The following ARHGAP21 variants were observed in gnomAD, a reference collection of about 807,000 sequenced individuals.
The protein encoded by ARHGAP21 is Rho GTPase activating protein 21.
A neutral mutation model predicts 164.6 loss-of-function variants in ARHGAP21; 38 were observed. The observed-to-expected ratio is 0.23, with a 90% CI of 0.18 to 0.30. The LOEUF (loss-of-function observed/expected upper bound fraction) is 0.30. ARHGAP21 is among the 10% of genes least tolerant of loss of function. The pLI, the probability that ARHGAP21 is intolerant of heterozygous loss-of-function variation, is 1.00. For missense variants in ARHGAP21, 1,822 were observed against 2,370.7 expected (o/e 0.77, Z 4.81); for synonymous variants, 766 against 857.9 (o/e 0.89, Z 1.87).
Position 24,604,240 on chromosome 10 carries a change from G to A in ARHGAP21, c.2721+72C>T, listed in dbSNP as rs2076932295. The stretch of plus-strand genomic sequence containing the variant: ...AGATTATAATATTTAAATATTAAAT[G>A]TCTACTGGGTAAAAGAAGTACTTCT... On this transcript the variant is annotated intron_variant, in intron 12 of 25. Coordinates refer to ENST00000396432, the MANE Select transcript of ARHGAP21 (RefSeq NM_020824.4). The A allele has an allele frequency of 7.0e-6, 7 of 993,972 alleles. No individual in the cohort carries two copies. The East Asian group carries it at 1.9e-4, about 27-fold the overall frequency. 61.6% of individuals were successfully genotyped at this position (993,972 alleles called of 1,614,324 possible). A position where few individuals can be genotyped will look rare whatever the true frequency, so the allele number is the denominator to read the frequency against.
chr10:24,690,031 A>C (rs570902571), intron 2 of ARHGAP21, among the ~76,000 whole-genome samples: 1 of 151,796 alleles, frequency 6.6e-6, no homozygotes, highest in South Asian at 2.1e-4. Flanking sequence ...TTTTTATTCA[A>C]TATTTTATGT....
At chr10:24,695,300 G>A (rs1843081452) in intron 2 of ARHGAP21, among the ~76,000 whole-genome samples, 1 of 152,006 alleles carries the variant, frequency 6.6e-6, no homozygotes, top group South Asian at 2.1e-4. Context: ...TGGGTGCAGT[G>A]GCTCACGCCT....
chr10:24,594,224 T>C lies in ARHGAP21; in HGVS notation c.3876+726A>G, dbSNP rs1303646931. Among the ~76,000 whole-genome samples the C allele has an allele frequency of 2.0e-5, 3 of 152,030 alleles. 1 individual carries two copies. The highest frequency in any genetic ancestry group is 3.8e-4 in the East Asian group (2 of 5,200). ...CATTTTAAAATCTCTGATGATATAA[T>C]GGATTTAGGCAATAATCATCAAAAA... On this transcript the variant is annotated intron_variant, in intron 21 of 25. Transcript: ENST00000396432.
chr10:24,599,669 A>G (rs1424410228), intron 14 of ARHGAP21, among the ~76,000 whole-genome samples: 3 of 152,210 alleles, frequency 2.0e-5, no homozygotes, highest in African/African-American at 4.8e-5. Context: ...TGTGTTAATG[A>G]TAAGAAAATA....
At position 24,666,987 on chromosome 10, in the gene ARHGAP21, CCT is replaced by C. The variant is rs779316829; in HGVS notation, c.264_265del (p.Gly89ArgfsTer16). Reference sequence around the variant, plus strand: ...AAATTAAAATGTTTATAGCATACCTCCTCTGTTTCCATTTTCTTCATCCTACA... The same window carrying C: ...AAATTAAAATGTTTATAGCATACCTCCTGTTTCCATTTTCTTCATCCTACA... On this transcript the variant is annotated frameshift_variant, in exon 4 of 26. Coordinates refer to ENST00000396432, the MANE Select transcript of ARHGAP21 (RefSeq NM_020824.4). LOFTEE classifies it high-confidence loss of function. 1.4e-6 allele frequency: 2 copies of C among 1,427,338 alleles called. No homozygotes were observed. The highest frequency in any genetic ancestry group is 1.2e-5 in the South Asian group (1 of 81,216). The allele number at this position is 1,427,338 out of a possible 1,614,324, so 88.4% of individuals were successfully genotyped here. A position where few individuals can be genotyped will look rare whatever the true frequency, so the allele number is the denominator to read the frequency against.
intron 7 of ARHGAP21, 61 bp downstream of exon 7, chr10:24,629,935 A>G: frequency 8.2e-7 from 1 of 1,217,962 alleles, no homozygotes; most frequent in Non-Finnish European, 1.2e-6. Context: ...TTCCATCTCA[A>G]AAATATTTTC....
rs138694213 is a variant in ARHGAP21, at chr10:24,599,102, A to C, written c.3133-1093T>G. Among the ~76,000 whole-genome samples, 6 of 152,364 alleles carry C rather than the reference A, an allele frequency of 3.9e-5. No homozygotes were observed. In the East Asian group the frequency reaches 1.2e-3, roughly 29 times the overall value. ...TGTCTTAAGATTAGATGGTGATGCT[A>C]ATAGCTCACATTAAGTAAATGTTTA... On this transcript the variant is annotated intron_variant, in intron 14 of 25. Coordinates refer to ENST00000396432, the MANE Select transcript of ARHGAP21 (RefSeq NM_020824.4).
At chr10:24,632,969 G>A (rs949661606) in intron 6 of ARHGAP21, among the ~76,000 whole-genome samples, 9 of 152,164 alleles carry the variant, frequency 5.9e-5, no homozygotes, top group South Asian at 2.1e-4. Context: ...GATTAAAAGG[G>A]AATGTCTTGT....
intron 2 of ARHGAP21, among the ~76,000 whole-genome samples, chr10:24,702,759 T>G (rs1461340095): frequency 6.6e-6 from 1 of 152,080 alleles, no homozygotes; most frequent in Non-Finnish European, 1.5e-5. Context: ...GCTAATTGTT[T>G]TGTAAAGATG....
chr10:24,585,052 A>G lies in ARHGAP21; in HGVS notation c.5237T>C (p.Leu1746Ser). ...GGATTCGCCTCTGGTGGGTGTCAGTAAACTCCCAGTTGACTTTCCTTTTTT... is the reference window on the plus strand; with the variant it reads ...GGATTCGCCTCTGGTGGGTGTCAGTGAACTCCCAGTTGACTTTCCTTTTTT... ...VMKKGKSTGS[L>S]LTPTRGESEK... is the part of the protein sequence containing the mutation. Residue 1746 changes from leucine (L) to serine (S), a missense_variant, in exon 26 of 26, where the codon TTA (leucine) becomes TCA (serine). Transcript: ENST00000396432. 6.2e-7 allele frequency: 1 copy of G among 1,613,902 alleles called. No homozygotes were observed.
At chr10:24,692,740 G>C (rs1842851992) in intron 2 of ARHGAP21, among the ~76,000 whole-genome samples, 1 of 152,054 alleles carries the variant, frequency 6.6e-6, no homozygotes, top group South Asian at 2.1e-4. Context: ...GCTGAGGCAG[G>C]AGAATCACTT....
At chr10:24,602,426 A>G (rs531454588) in intron 12 of ARHGAP21, among the ~76,000 whole-genome samples, 1 of 152,324 alleles carries the variant, frequency 6.6e-6, no homozygotes, top group Admixed American at 6.5e-5. Flanking sequence ...AATGGCTGAG[A>G]AGCAGCTAGA....
intron 4 of ARHGAP21, among the ~76,000 whole-genome samples, chr10:24,650,918 C>A (rs1838098300): frequency 6.6e-6 from 1 of 152,012 alleles, no homozygotes. Flanking sequence ...GGCTGAGAGA[C>A]TGACCAGCTG....
chr10:24,703,385 A>C (rs1843899932), intron 2 of ARHGAP21, among the ~76,000 whole-genome samples: 1 of 152,190 alleles, frequency 6.6e-6, no homozygotes, highest in Non-Finnish European at 1.5e-5. Flanking sequence ...ACACGCCAGC[A>C]CTATGTTAAA....
intron 4 of ARHGAP21, among the ~76,000 whole-genome samples, chr10:24,636,312 C>T (rs1836376049): frequency 6.6e-6 from 1 of 152,120 alleles, no homozygotes; most frequent in Admixed American, 6.5e-5. Context: ...AAGGTGTGGT[C>T]CCAGGACCAG....
chr10:24,705,313 A>G (rs1014612542), intron 2 of ARHGAP21, among the ~76,000 whole-genome samples: 7 of 152,318 alleles, frequency 4.6e-5, no homozygotes, highest in African/African-American at 1.7e-4. Context: ...TTCAAAATCC[A>G]TATTTTTTAC....
At position 24,628,952 on chromosome 10, in the gene ARHGAP21, CTATATATAT is replaced by C. The variant is rs1835496259; in HGVS notation, c.495+1035_495+1043del. The stretch of plus-strand genomic sequence containing the variant: ...ACATACATATATATACACACACACA[CTATATATAT>C]ATATATATATATATATATATATTTT... On this transcript the variant is annotated intron_variant, in intron 7 of 25. Coordinates refer to ENST00000396432, the MANE Select transcript of ARHGAP21 (RefSeq NM_020824.4). The C allele has an allele frequency of 2.9e-4, 4 of 13,764 alleles. 1 individual carries two copies. The highest frequency in any genetic ancestry group is 3.9e-4 in the African/African-American group (1 of 2,572). 0.9% of individuals were successfully genotyped at this position (13,764 alleles called of 1,614,324 possible). A position where few individuals can be genotyped will look rare whatever the true frequency, so the allele number is the denominator to read the frequency against.
intron 11 of ARHGAP21, among the ~76,000 whole-genome samples, chr10:24,607,103 CTAAGA>C (rs965984165): frequency 3.3e-5 from 5 of 152,118 alleles, no homozygotes; most frequent in African/African-American, 4.8e-5. Flanking sequence ...TTAAGGATCT[CTAAGA>C]TCAGTGTCTA....
intron 2 of ARHGAP21, among the ~76,000 whole-genome samples, chr10:24,685,641 C>T (rs1311620023): frequency 3.9e-5 from 6 of 152,058 alleles, no homozygotes; most frequent in Non-Finnish European, 8.8e-5. Context: ...TTTGGGAGGC[C>T]GAGGTGGGCG....
Sources: gnomAD v4.1 joint callset for allele counts (sites outside exome capture counted in the v4.1 genomes callset) on GRCh38, gnomAD v4.1.1 for gene constraint, MANE v1.5 for transcripts, NCBI Gene and HGNC (gene_info 2026-07-23, HGNC 2026-07-21) for gene names.